The following EPHB2 variants were observed in gnomAD, a reference collection of about 807,000 sequenced individuals.
EPHB2 encodes EPH receptor B2.
EPHB2 carries 18 observed loss-of-function variants against 96.4 expected under a neutral mutation model. The ratio of observed to expected loss-of-function variants is 0.19; its 90% CI spans 0.13 to 0.28. EPHB2 has a LOEUF of 0.28. Among genes scored for constraint, EPHB2 ranks in the 10% least tolerant of loss-of-function variants. The pLI, the probability that EPHB2 is intolerant of heterozygous loss-of-function variation, is 1.00. For synonymous variants in EPHB2, 506 were observed against 534.1 expected, an observed-to-expected ratio of 0.95 and a Z score of 0.72; for missense variants, 989 against 1,355.4, an observed-to-expected ratio of 0.73 and a Z score of 4.25.
intron 5 of EPHB2, among the ~76,000 whole-genome samples, chr1:22,866,508 C>T (rs978419460): frequency 6.6e-6 from 1 of 152,094 alleles, no homozygotes; most frequent in Non-Finnish European, 1.5e-5. Flanking sequence ...AAGTGATCCT[C>T]CTGCCTCAGC....
chr1:22,888,794 A>G (rs367586379), intron 6 of EPHB2, among the ~76,000 whole-genome samples: 1 of 57,458 alleles, frequency 1.7e-5, no homozygotes, highest in Non-Finnish European at 6.0e-5. Flanking sequence ...AATAGAAAAC[A>G]GGGGCTCAGG....
intron 1 of EPHB2, among the ~76,000 whole-genome samples, chr1:22,736,696 G>A (rs1487065845): frequency 6.6e-6 from 1 of 152,222 alleles, no homozygotes; most frequent in African/African-American, 2.4e-5. Context: ...CAGGGTCACT[G>A]TGGATAAAGG....
chr1:22,875,454 C>T lies in EPHB2; in HGVS notation c.1304-6905C>T, dbSNP rs914620226. ...TTCCCAACTGTGGGTGGGCACAGGG[C>T]CTGGGGGAGAGGGAAACTGCCTTCC... On this transcript the variant is annotated intron_variant, in intron 5 of 15. Transcript: ENST00000374630. This position sits in a 1 kb window ranked among gnomAD's most constrained non-coding sequence, Gnocchi z 4.2. Among the ~76,000 whole-genome samples, 1 of 152,210 alleles carries T rather than the reference C, an allele frequency of 6.6e-6. No homozygotes were observed. Among genetic ancestry groups the T allele is most frequent in the Non-Finnish European group, 1.5e-5 (1 of 68,040 alleles).
intron 1 of EPHB2, among the ~76,000 whole-genome samples, chr1:22,717,749 C>T (rs551631795): frequency 1.7e-4 from 26 of 152,314 alleles, no homozygotes; most frequent in Non-Finnish European, 3.1e-4. Flanking sequence ...TGACTTGTCC[C>T]TTTCTCTGAA....
chr1:22,775,805 G>T (rs552669619), intron 1 of EPHB2, among the ~76,000 whole-genome samples: 2 of 152,346 alleles, frequency 1.3e-5, no homozygotes, highest in Non-Finnish European at 2.9e-5. Flanking sequence ...TGAGGAAGAT[G>T]CTCTGGGCTG....
At chr1:22,714,005 G>T (rs372093515) in intron 1 of EPHB2, among the ~76,000 whole-genome samples, 2 of 152,348 alleles carry the variant, frequency 1.3e-5, no homozygotes, top group Middle Eastern at 3.4e-3. Context: ...GGCAGACCCT[G>T]TCCATCCCTG....
rs774311390 is a variant in EPHB2 at position 22,781,472 on chromosome 1, A to C, written c.113A>C (p.His38Pro). 3.1e-6 allele frequency: 5 copies of C among 1,613,920 alleles called. No individual in the cohort carries two copies. Among genetic ancestry groups the C allele is most frequent in the Non-Finnish European group, 1.7e-6 (2 of 1,180,002 alleles). Residue 38 changes from histidine (H) to proline (P), a missense_variant, in exon 2 of 16, where the codon CAT (histidine) becomes CCT (proline). Physicochemically the swap from His to Pro is moderately conservative, Grantham distance 77. Transcript: ENST00000374630. Reference protein sequence around the residue: ...TATAELGWMVHPPSGWEEVSG... With the variant: ...TATAELGWMVPPPSGWEEVSG... ...ACTGCTGAGCTGGGCTGGATGGTGCATCCTCCATCAGGGGTGAGTCAGTGG... is the reference window on the plus strand; with the variant it reads ...ACTGCTGAGCTGGGCTGGATGGTGCCTCCTCCATCAGGGGTGAGTCAGTGG...
intron 13 of EPHB2, 118 bp from the exon 14 acceptor site, chr1:22,910,264 T>C: frequency 7.5e-7 from 1 of 1,339,544 alleles, no homozygotes. Context: ...GTGAAAGTGG[T>C]TGCCACAGCA....
Position 22,720,837 on chromosome 1 carries a change from G to A in EPHB2, c.61+9794G>A, listed in dbSNP as rs1202787392. On this transcript the variant is annotated intron_variant, in intron 1 of 15. Coordinates refer to ENST00000374630, the MANE Select transcript of EPHB2 (RefSeq NM_017449.5). ...TAAAATTCATGAAAAATGGCAGCCT[G>A]GAGTTGTAGATATTCAAGACCTAGT... Among the ~76,000 whole-genome samples, 5 of 152,288 alleles carry A rather than the reference G, an allele frequency of 3.3e-5. No individual in the cohort carries two copies. In the South Asian group the frequency reaches 6.2e-4, roughly 19 times the overall value.
At chr1:22,832,733 T>C (rs1043612555) in intron 3 of EPHB2, among the ~76,000 whole-genome samples, 3 of 152,220 alleles carry the variant, frequency 2.0e-5, no homozygotes, top group African/African-American at 7.2e-5. Flanking sequence ...TCAGAGTGTT[T>C]ATCAGCAGTC....
At chr1:22,855,383 C>T (rs992356276) in intron 3 of EPHB2, among the ~76,000 whole-genome samples, 2 of 152,214 alleles carry the variant, frequency 1.3e-5, no homozygotes, top group African/African-American at 2.4e-5. Context: ...CCCCAGAACC[C>T]GCTCCCTGGC....
rs149351655 is a variant in EPHB2, at chr1:22,784,919, G to A, written c.654G>A (p.Ser218=). Residue 218 remains serine, a synonymous_variant, in exon 3 of 16, where the codon TCG becomes TCA. Coordinates refer to ENST00000374630, the MANE Select transcript of EPHB2 (RefSeq NM_017449.5). This position sits in a 1 kb window ranked among gnomAD's most constrained non-coding sequence, Gnocchi z 5.1. The part of the protein sequence containing the change: ...QETLSGAEST[S]LVAARGSCIA... ...CCCTGTCGGGGGCTGAGAGCACATC[G>A]CTGGTGGCTGCCCGGGGCAGCTGCA... is the stretch of plus-strand genomic sequence containing the variant. 4.7e-5 allele frequency: 76 copies of A among 1,613,960 alleles called. No homozygotes were observed. The African/African-American group carries it at 5.3e-4, about 11-fold the overall frequency.
At chr1:22,833,398 G>C (rs538065892) in intron 3 of EPHB2, among the ~76,000 whole-genome samples, 1 of 152,176 alleles carries the variant, frequency 6.6e-6, no homozygotes, top group Non-Finnish European at 1.5e-5. Context: ...GATTACAGGC[G>C]TGAGCCACCA....
chr1:22,920,758 C>T lies in EPHB2; in HGVS notation c.*7188C>T, dbSNP rs1420030345. The T allele has an allele frequency of 1.3e-5, 2 of 152,188 alleles. No individual in the cohort carries two copies. Among genetic ancestry groups the T allele is most frequent in the African/African-American group, 4.8e-5 (2 of 41,438 alleles). 9.4% of individuals were successfully genotyped at this position (152,188 alleles called of 1,614,324 possible). A position where few individuals can be genotyped will look rare whatever the true frequency, so the allele number is the denominator to read the frequency against. On this transcript the variant is annotated 3_prime_UTR_variant, in exon 16 of 16. Transcript: ENST00000374630. Reference sequence around the variant, plus strand: ...TTGGACTCTAGAGAAGAGTAATTACCACTTGGTCATGCCCAGCCCCCAAAT... The same window carrying T: ...TTGGACTCTAGAGAAGAGTAATTACTACTTGGTCATGCCCAGCCCCCAAAT...
At chr1:22,831,886 C>G (rs1212849113) in intron 3 of EPHB2, among the ~76,000 whole-genome samples, 2 of 152,120 alleles carry the variant, frequency 1.3e-5, no homozygotes, top group Non-Finnish European at 2.9e-5. Context: ...GAGCTATCCA[C>G]CCCCCTACCT....
intron 3 of EPHB2, among the ~76,000 whole-genome samples, chr1:22,829,956 G>A (rs140457602): frequency 4.6e-5 from 7 of 152,314 alleles, no homozygotes; most frequent in Admixed American, 2.6e-4. Flanking sequence ...GAGGTAAGTC[G>A]AGGCACCGAG....
chr1:22,851,223 C>T (rs558404393), intron 3 of EPHB2, among the ~76,000 whole-genome samples: 1 of 152,310 alleles, frequency 6.6e-6, no homozygotes, highest in Non-Finnish European at 1.5e-5. Flanking sequence ...GTCTCAAACT[C>T]CTCAGCTCAA....
intron 6 of EPHB2, among the ~76,000 whole-genome samples, chr1:22,887,748 G>A (rs1183867367): frequency 6.6e-6 from 1 of 152,226 alleles, no homozygotes; most frequent in Non-Finnish European, 1.5e-5. Context: ...AAGGAGAAGA[G>A]CCATTCATGA....
At chr1:22,712,548 G>C (rs1643181585) in intron 1 of EPHB2, among the ~76,000 whole-genome samples, 1 of 152,104 alleles carries the variant, frequency 6.6e-6, no homozygotes, top group Non-Finnish European at 1.5e-5. Context: ...TTTCTCTTTC[G>C]GTAATGAGCA....
Sources: gnomAD v4.1 joint callset for allele counts (sites outside exome capture counted in the v4.1 genomes callset) on GRCh38, gnomAD v4.1.1 for gene constraint, Gnocchi (gnomAD v3.1) non-coding constraint, MANE v1.5 for transcripts, NCBI Gene and HGNC (gene_info 2026-07-23, HGNC 2026-07-21) for gene names.